Variants in ELMO1 observed in about 807,000 individuals in gnomAD.
ELMO1 encodes engulfment and cell motility protein 1.
ELMO1 carries 26 observed loss-of-function variants against 98.9 expected under a neutral mutation model. The ratio of observed to expected loss-of-function variants is 0.26; its 90% CI spans 0.19 to 0.36. The LOEUF (loss-of-function observed/expected upper bound fraction) is 0.36, where lower values mean the gene tolerates loss of function less well. Ranked by LOEUF, ELMO1 falls within the 10% of genes least tolerant of loss-of-function variation. The pLI is 1.00. For missense variants in ELMO1, 627 were observed against 935.2 expected (o/e 0.67, Z 4.30); for synonymous variants, 346 against 346.0 (o/e 1.00, Z 0.00).
chr7:37,319,049 T>C (rs1313401752), intron 2 of ELMO1, among the ~76,000 whole-genome samples: 2 of 151,612 alleles, frequency 1.3e-5, no homozygotes, highest in Middle Eastern at 3.2e-3. Flanking sequence ...TCTGCTTTTA[T>C]TTAATCAGTC....
chr7:37,111,855 T>C (rs1785269300), intron 14 of ELMO1, among the ~76,000 whole-genome samples: 1 of 152,218 alleles, frequency 6.6e-6, no homozygotes, highest in Non-Finnish European at 1.5e-5. Flanking sequence ...GAAAACTAAC[T>C]AAATGTTGGT....
At chr7:37,328,120 T>C (rs780840883) in intron 2 of ELMO1, among the ~76,000 whole-genome samples, 2 of 152,138 alleles carry the variant, frequency 1.3e-5, no homozygotes, top group Admixed American at 6.5e-5. Flanking sequence ...CAGTGGCTCA[T>C]GCCTGTAATC....
At chr7:37,193,303 G>C (rs147421237) in intron 13 of ELMO1, among the ~76,000 whole-genome samples, 1 of 152,076 alleles carries the variant, frequency 6.6e-6, no homozygotes, top group Non-Finnish European at 1.5e-5. Flanking sequence ...AGCCCAACCC[G>C]CACAGTGATT....
chr7:36,935,122 G>C (rs1218811200), intron 16 of ELMO1, among the ~76,000 whole-genome samples: 1 of 152,148 alleles, frequency 6.6e-6, no homozygotes, highest in Non-Finnish European at 1.5e-5. Context: ...GACCCAGTGG[G>C]AGATAATTGA....
At chr7:36,867,334 T>C (rs546051731) in intron 20 of ELMO1, among the ~76,000 whole-genome samples, 6 of 152,342 alleles carry the variant, frequency 3.9e-5, no homozygotes, top group South Asian at 2.1e-4. Flanking sequence ...AGGAGTCTGA[T>C]ACAAGGCCAA....
intron 16 of ELMO1, among the ~76,000 whole-genome samples, chr7:36,914,299 A>G (rs1298335759): frequency 1.3e-5 from 2 of 152,220 alleles, no homozygotes; most frequent in African/African-American, 4.8e-5. Context: ...AAAGAAATAA[A>G]TTACTTGTAT....
At chr7:37,138,235 AAAC>A (rs201679866) in intron 13 of ELMO1, among the ~76,000 whole-genome samples, 18 of 151,930 alleles carry the variant, frequency 1.2e-4, no homozygotes, top group East Asian at 3.9e-4. Flanking sequence ...AAATTGAAAC[AAAC>A]AACAACAACA....
intron 1 of ELMO1, among the ~76,000 whole-genome samples, chr7:37,362,235 A>T (rs72630761): frequency 2.2e-4 from 33 of 149,786 alleles, no homozygotes; most frequent in East Asian, 7.9e-4. Flanking sequence ...TATATATATA[A>T]TTTCTCCGTT....
intron 16 of ELMO1, among the ~76,000 whole-genome samples, chr7:36,965,144 A>C (rs1215825398): frequency 6.6e-6 from 1 of 151,932 alleles, no homozygotes; most frequent in African/African-American, 2.4e-5. Flanking sequence ...GCCTTACCCA[A>C]CCATCCTTTC....
At chr7:37,002,385 C>T (rs1792739160) in intron 16 of ELMO1, among the ~76,000 whole-genome samples, 1 of 152,220 alleles carries the variant, frequency 6.6e-6, no homozygotes, top group African/African-American at 2.4e-5. Context: ...TATGCTACTA[C>T]CACGAAGCAG....
intron 16 of ELMO1, among the ~76,000 whole-genome samples, chr7:36,991,364 G>C (rs1019200340): frequency 2.0e-5 from 3 of 152,208 alleles, no homozygotes; most frequent in Admixed American, 2.0e-4. Context: ...AAGGATGTGA[G>C]ATCAGAAGTG....
intron 13 of ELMO1, among the ~76,000 whole-genome samples, chr7:37,182,795 T>A (rs2130020720): frequency 6.6e-6 from 1 of 152,324 alleles, no homozygotes; most frequent in African/African-American, 2.4e-5. Flanking sequence ...CTCAGTATAG[T>A]ATTTTTAGAT....
chr7:37,353,900 C>T (rs1583614819), intron 1 of ELMO1, among the ~76,000 whole-genome samples: 1 of 152,374 alleles, frequency 6.6e-6, no homozygotes, highest in East Asian at 1.9e-4. Context: ...CTCCACCTCT[C>T]GCTTTCACCC....
chr7:37,098,826 G>A (rs961967437), intron 14 of ELMO1, among the ~76,000 whole-genome samples: 4 of 152,104 alleles, frequency 2.6e-5, no homozygotes, highest in African/African-American at 4.8e-5. Context: ...CCTAATGATG[G>A]GAGAAATGAA....
chr7:37,331,310 C>T (rs1042834679), intron 2 of ELMO1, among the ~76,000 whole-genome samples: 2 of 147,778 alleles, frequency 1.4e-5, no homozygotes, highest in African/African-American at 5.0e-5. Context: ...GCTGGGACTA[C>T]AGGCGCCAGC....
chr7:36,911,407 T>C (rs747155602), intron 16 of ELMO1, among the ~76,000 whole-genome samples: 1 of 152,182 alleles, frequency 6.6e-6, no homozygotes, highest in African/African-American at 2.4e-5. Flanking sequence ...TGGGGCCATA[T>C]TGAAACCTTT....
chr7:36,992,985 A>C (rs1463726207), intron 16 of ELMO1, among the ~76,000 whole-genome samples: 2 of 152,216 alleles, frequency 1.3e-5, no homozygotes, highest in African/African-American at 4.8e-5. Context: ...ACATCAGAAA[A>C]GAGTGCATCA....
At chr7:37,429,537 T>G (rs2131557618) in intron 1 of ELMO1, 1 of 152,394 alleles carries the variant, frequency 6.6e-6, no homozygotes, top group East Asian at 1.9e-4. Flanking sequence ...GAAAATCCCC[T>G]GCTGGGCATA....
At chr7:37,302,153 C>G (rs529795767) in intron 4 of ELMO1, among the ~76,000 whole-genome samples, 1 of 152,250 alleles carries the variant, frequency 6.6e-6, no homozygotes, top group East Asian at 1.9e-4. Context: ...CTCCATTCCC[C>G]TTTTTTTAAA....
Sources: gnomAD v4.1 joint callset for allele counts (sites outside exome capture counted in the v4.1 genomes callset) on GRCh38, gnomAD v4.1.1 for gene constraint, MANE v1.5 for transcripts, NCBI Gene and HGNC (gene_info 2026-07-23, HGNC 2026-07-21) for gene names.